Variants in HORMAD2 observed in about 807,000 individuals in gnomAD.
The protein encoded by HORMAD2 is HORMA domain containing 2, also known as HORMA domain-containing protein 2.
In HORMAD2, 45 loss-of-function variants were observed where a neutral mutation model predicts 38.8. The ratio of observed to expected loss-of-function variants is 1.16; its 90% confidence interval spans 0.91 to 1.49. HORMAD2 has a LOEUF of 1.49. Ranked by LOEUF, HORMAD2 falls within the 40% of genes most tolerant of loss-of-function variation. The probability of loss-of-function intolerance (pLI) is 0.00; values close to 1 mark genes in which losing one functional copy is unlikely to be tolerated. For missense variants in HORMAD2, 338 were observed against 367.0 expected (o/e 0.92, Z 0.65); for synonymous variants, 126 against 122.8 (o/e 1.03, Z -0.17).
chr22:30,086,607 G>A (rs528080434), intron 1 of HORMAD2, among the ~76,000 whole-genome samples: 1 of 152,254 alleles, frequency 6.6e-6, no homozygotes, highest in South Asian at 2.1e-4. Context: ...CTGGGAAAAT[G>A]CATAGTCGAG....
intron 10 of HORMAD2, among the ~76,000 whole-genome samples, chr22:30,142,681 C>T (rs538509320): frequency 6.6e-6 from 1 of 152,224 alleles, no homozygotes; most frequent in African/African-American, 2.4e-5. Context: ...TTTAATGTTA[C>T]TATTGATATA....
intron 1 of HORMAD2, among the ~76,000 whole-genome samples, chr22:30,088,066 C>CACACGTACACACGTGTACATAT (rs2068605595): frequency 1.2e-5 from 1 of 86,942 alleles, no homozygotes; most frequent in African/African-American, 9.6e-5. Context: ...TATACATATA[C>CACACGTACACACGTGTACATAT]ACACACGTAC....
At chr22:30,138,324 C>A (rs1309848067) in intron 10 of HORMAD2, among the ~76,000 whole-genome samples, 2 of 151,274 alleles carry the variant, frequency 1.3e-5, no homozygotes, top group African/African-American at 4.9e-5. Context: ...CACCGCCATG[C>A]CTGGGTAATT....
At chr22:30,145,193 A>G (rs531342584) in intron 10 of HORMAD2, among the ~76,000 whole-genome samples, 21 of 152,210 alleles carry the variant, frequency 1.4e-4, no homozygotes, top group Admixed American at 1.0e-3. Flanking sequence ...AGCTCCTCAC[A>G]CTGACATGTG....
the HORMAD2 span, among the ~76,000 whole-genome samples, chr22:30,205,271 C>T: frequency 2.0e-5 from 3 of 152,062 alleles, no homozygotes; most frequent in African/African-American, 7.2e-5. Context: ...GCAAGGGCAC[C>T]GGGTGAGAAT....
chr22:30,103,876 G>T (rs941225688), intron 4 of HORMAD2, among the ~76,000 whole-genome samples: 5 of 150,926 alleles, frequency 3.3e-5, no homozygotes, highest in African/African-American at 1.2e-4. Context: ...TGGCCAGGAT[G>T]GTCTCGATCT....
intron 10 of HORMAD2, among the ~76,000 whole-genome samples, chr22:30,152,441 C>G (rs1214108996): frequency 6.6e-6 from 1 of 152,100 alleles, no homozygotes; most frequent in Admixed American, 6.6e-5. Context: ...GTCCTCCTGA[C>G]TCAGCCTCCC....
intron 10 of HORMAD2, among the ~76,000 whole-genome samples, chr22:30,157,189 T>C (rs2146208687): frequency 6.6e-6 from 1 of 152,282 alleles, no homozygotes; most frequent in East Asian, 1.9e-4. Flanking sequence ...ACCAGGTGGG[T>C]CAGATTAGCT....
At chr22:30,130,584 T>C (rs1328981179) in intron 10 of HORMAD2, among the ~76,000 whole-genome samples, 2 of 129,426 alleles carry the variant, frequency 1.5e-5, no homozygotes, top group African/African-American at 2.7e-5. Context: ...TTCTTTTCTT[T>C]TCTTTTTTTT....
At chr22:30,159,875 C>T (rs1337813139) in intron 10 of HORMAD2, among the ~76,000 whole-genome samples, 1 of 152,042 alleles carries the variant, frequency 6.6e-6, no homozygotes, top group African/African-American at 2.4e-5. Flanking sequence ...TTCCAAAAGA[C>T]TTCCTTACTG....
chr22:30,151,265 G>A (rs1186925596), intron 10 of HORMAD2, among the ~76,000 whole-genome samples: 2 of 152,076 alleles, frequency 1.3e-5, no homozygotes, highest in South Asian at 4.1e-4. Context: ...TTAAAGAAAT[G>A]TCTTTTCCTG....
chr22:30,181,362 C>G (rs531268668), downstream of HORMAD2, among the ~76,000 whole-genome samples: 66 of 152,138 alleles, frequency 4.3e-4, no homozygotes, highest in African/African-American at 1.4e-3. Flanking sequence ...ACATCAACAG[C>G]CTGTGCAAGC....
At chr22:30,155,694 A>G (rs529184636) in intron 10 of HORMAD2, among the ~76,000 whole-genome samples, 1 of 152,178 alleles carries the variant, frequency 6.6e-6, no homozygotes, top group Non-Finnish European at 1.5e-5. Flanking sequence ...ATGTATCTAT[A>G]TGAAAACCCA....
the HORMAD2 span, among the ~76,000 whole-genome samples, chr22:30,202,608 G>A: frequency 1.3e-5 from 2 of 152,076 alleles, no homozygotes; most frequent in African/African-American, 4.8e-5. Flanking sequence ...AGCCTTCTCA[G>A]CCTTACCCCA....
At chr22:30,118,492 C>T (rs1247966929) in intron 7 of HORMAD2, among the ~76,000 whole-genome samples, 1 of 152,208 alleles carries the variant, frequency 6.6e-6, no homozygotes, top group Non-Finnish European at 1.5e-5. Context: ...TTGTTCACAG[C>T]ACTTACACTA....
chr22:30,119,436 C>T (rs1029472952), intron 8 of HORMAD2, among the ~76,000 whole-genome samples: 7 of 152,074 alleles, frequency 4.6e-5, no homozygotes, highest in Non-Finnish European at 8.8e-5. Flanking sequence ...ACTATTTGCC[C>T]GTATGCACAA....
intron 10 of HORMAD2, among the ~76,000 whole-genome samples, chr22:30,169,613 C>T: frequency 6.6e-6 from 1 of 152,164 alleles, no homozygotes; most frequent in Admixed American, 6.5e-5. Context: ...TGAGACACTT[C>T]CCAATGCGCT....
chr22:30,102,662 T>C (rs1920958335), intron 3 of HORMAD2, among the ~76,000 whole-genome samples: 1 of 152,190 alleles, frequency 6.6e-6, no homozygotes, highest in Non-Finnish European at 1.5e-5. Context: ...TCTCATTTCA[T>C]TGTCCGGGCT....
intron 10 of HORMAD2, 41 bp downstream of exon 10, chr22:30,122,255 A>T: frequency 1.3e-6 from 2 of 1,559,536 alleles, no homozygotes; most frequent in African/African-American, 1.4e-5. Context: ...TGTCAGTTAA[A>T]CACAATTGAT....
Sources: allele counts gnomAD v4.1 joint callset (sites outside exome capture counted in the v4.1 genomes callset), GRCh38; gene constraint gnomAD v4.1.1; transcripts MANE v1.5; gene names NCBI Gene and HGNC (gene_info 2026-07-23, HGNC 2026-07-21).